Variants in DDX10 observed in about 807,000 individuals in gnomAD.
DDX10 encodes the protein DEAD-box helicase 10.
Under a neutral mutation model 104.3 loss-of-function variants are expected in DDX10, and 74 were observed. The observed-to-expected ratio is 0.71, with a 90% CI of 0.59 to 0.86. The LOEUF (loss-of-function observed/expected upper bound fraction) is 0.86. Ranked by LOEUF, DDX10 falls within the 40% of genes least tolerant of loss-of-function variation. The pLI is 0.00. For missense variants in DDX10, 952 were observed against 1,040.0 expected, an observed-to-expected ratio of 0.92 and a Z score of 1.16; for synonymous variants, 351 against 353.4, an observed-to-expected ratio of 0.99 and a Z score of 0.08.
At chr11:108,820,059 T>G (rs1862306174) in intron 13 of DDX10, among the ~76,000 whole-genome samples, 1 of 152,210 alleles carries the variant, frequency 6.6e-6, no homozygotes, top group African/African-American at 2.4e-5. Context: ...TTTTGATGTT[T>G]GATAAACCTG....
At chr11:108,777,038 G>A (rs1462396888) in intron 13 of DDX10, among the ~76,000 whole-genome samples, 2 of 152,208 alleles carry the variant, frequency 1.3e-5, no homozygotes, top group African/African-American at 4.8e-5. Flanking sequence ...GAGTGAATAA[G>A]TGGATATTAA....
At chr11:108,810,989 T>TAAGAA (rs1862172277) in intron 13 of DDX10, among the ~76,000 whole-genome samples, 2 of 152,206 alleles carry the variant, frequency 1.3e-5, no homozygotes, top group African/African-American at 4.8e-5. Context: ...TCATTTTTCC[T>TAAGAA]TGTCTATCTC....
chr11:108,881,532 G>A (rs1863227237), intron 16 of DDX10, among the ~76,000 whole-genome samples: 1 of 152,110 alleles, frequency 6.6e-6, no homozygotes, highest in Admixed American at 6.5e-5. Flanking sequence ...ACTTTATGAT[G>A]GTGTGAAAGT....
intron 13 of DDX10, among the ~76,000 whole-genome samples, chr11:108,742,603 T>C (rs929569608): frequency 6.6e-6 from 1 of 152,030 alleles, no homozygotes; most frequent in Non-Finnish European, 1.5e-5. Flanking sequence ...AAAAGATCAA[T>C]AAATCCAGGG....
chr11:108,671,618 G>A (rs964894115), intron 1 of DDX10, among the ~76,000 whole-genome samples: 1 of 152,112 alleles, frequency 6.6e-6, no homozygotes, highest in African/African-American at 2.4e-5. Context: ...TACAGTCTCC[G>A]CAACAACTAC....
intron 13 of DDX10, among the ~76,000 whole-genome samples, chr11:108,779,218 C>A (rs1055396941): frequency 6.6e-6 from 1 of 152,170 alleles, no homozygotes; most frequent in East Asian, 1.9e-4. Flanking sequence ...AATCATGCTG[C>A]TATAAAGACA....
At chr11:108,729,422 A>G (rs1380210284) in intron 13 of DDX10, among the ~76,000 whole-genome samples, 5 of 152,180 alleles carry the variant, frequency 3.3e-5, no homozygotes, top group Non-Finnish European at 1.5e-5. Context: ...AGTAACTACC[A>G]TAAAATATGA....
intron 13 of DDX10, among the ~76,000 whole-genome samples, chr11:108,828,562 A>G (rs1182977200): frequency 6.6e-6 from 1 of 151,608 alleles, no homozygotes. Context: ...GTTTTTTGAG[A>G]CCGAAAAAAA....
At chr11:108,807,399 C>T (rs1001046242) in intron 13 of DDX10, among the ~76,000 whole-genome samples, 1 of 151,796 alleles carries the variant, frequency 6.6e-6, no homozygotes, top group Non-Finnish European at 1.5e-5. Flanking sequence ...GAGAGAGACT[C>T]GAGGAAGAGA....
chr11:108,841,611 C>T, intron 15 of DDX10, 135 bp downstream of exon 15: 1 of 850,488 alleles, frequency 1.2e-6, no homozygotes, highest in Non-Finnish European at 1.8e-6. Flanking sequence ...TCTGTGGCTA[C>T]TCTTTTTTCT....
chr11:108,905,296 A>G (rs1482089109), intron 16 of DDX10, among the ~76,000 whole-genome samples: 2 of 96,220 alleles, frequency 2.1e-5, no homozygotes, highest in Admixed American at 2.8e-4. Flanking sequence ...ATTATAAGGT[A>G]CTATTAGATT....
intron 16 of DDX10, among the ~76,000 whole-genome samples, chr11:108,878,412 C>CT (rs911740183): frequency 6.6e-6 from 1 of 152,120 alleles, no homozygotes. Flanking sequence ...GTTTTCGTGT[C>CT]TTTTTTCACC....
At chr11:108,858,824 T>C (rs1420529288) in intron 16 of DDX10, among the ~76,000 whole-genome samples, 1 of 152,174 alleles carries the variant, frequency 6.6e-6, no homozygotes, top group African/African-American at 2.4e-5. Flanking sequence ...CTTGAGTGTA[T>C]GGTACTGTAT....
At chr11:108,802,392 C>T (rs557664867) in intron 13 of DDX10, among the ~76,000 whole-genome samples, 1 of 152,230 alleles carries the variant, frequency 6.6e-6, no homozygotes, top group South Asian at 2.1e-4. Flanking sequence ...CAAAAACTGA[C>T]TGAAAATATG....
At chr11:108,799,847 A>C (rs1228782411) in intron 13 of DDX10, among the ~76,000 whole-genome samples, 2 of 152,188 alleles carry the variant, frequency 1.3e-5, no homozygotes, top group Non-Finnish European at 2.9e-5. Flanking sequence ...AGTAAATCTT[A>C]GTGGAATAGA....
At chr11:108,729,474 A>G (rs2094309289) in intron 13 of DDX10, among the ~76,000 whole-genome samples, 1 of 152,162 alleles carries the variant, frequency 6.6e-6, no homozygotes, top group Non-Finnish European at 1.5e-5. Flanking sequence ...AGTGCCTTTG[A>G]TGCAGGGAGC....
intron 6 of DDX10, among the ~76,000 whole-genome samples, chr11:108,685,536 T>C (rs1213951549): frequency 6.6e-6 from 1 of 152,208 alleles, no homozygotes; most frequent in Non-Finnish European, 1.5e-5. Context: ...CTGTTCCTAT[T>C]CGGCCATCTT....
At chr11:108,697,435 A>G (rs1695222045) in intron 9 of DDX10, among the ~76,000 whole-genome samples, 1 of 152,182 alleles carries the variant, frequency 6.6e-6, no homozygotes, top group South Asian at 2.1e-4. Context: ...TAATATATCG[A>G]TATAGGAAAA....
At chr11:108,783,909 ATGCCACATTTTGTTTTCTGTTCT>A (rs1861747092) in intron 13 of DDX10, among the ~76,000 whole-genome samples, 1 of 152,174 alleles carries the variant, frequency 6.6e-6, no homozygotes, top group Admixed American at 6.5e-5. Flanking sequence ...AAGTAAGAAT[ATGCCACATTTTGTTTTCTGTTCT>A]TGCATAAATT....
Sources: gnomAD v4.1 joint callset for allele counts (sites outside exome capture counted in the v4.1 genomes callset) on GRCh38, gnomAD v4.1.1 for gene constraint, MANE v1.5 for transcripts, NCBI Gene and HGNC (gene_info 2026-07-23, HGNC 2026-07-21) for gene names.